Variants in BTBD16 observed in about 807,000 individuals in gnomAD.
The protein encoded by BTBD16 is BTB domain containing 16.
A neutral mutation model predicts 67.4 loss-of-function variants in BTBD16; 66 were observed. That is an observed-to-expected ratio of 0.98 (90% confidence interval 0.80 to 1.20). The LOEUF (loss-of-function observed/expected upper bound fraction) is 1.20, where lower values mean the gene tolerates loss of function less well. Among genes scored for constraint, BTBD16 ranks in the 50% most tolerant of loss-of-function variants. BTBD16 has a pLI of 0.00. For synonymous variants in BTBD16, 242 were observed against 236.4 expected (o/e 1.02, Z -0.22); for missense variants, 634 against 616.0 (o/e 1.03, Z -0.31).
intron 10 of BTBD16, among the ~76,000 whole-genome samples, chr10:122,311,413 A>G (rs1028831906): frequency 6.6e-6 from 1 of 152,200 alleles, no homozygotes; most frequent in African/African-American, 2.4e-5. Context: ...TACACTCTAC[A>G]GCCTGTTTTT....
chr10:122,299,502 G>A (rs771863357), intron 9 of BTBD16, among the ~76,000 whole-genome samples: 60 of 151,702 alleles, frequency 4.0e-4, no homozygotes, highest in Non-Finnish European at 7.2e-4. Context: ...TTACATCTCC[G>A]GCGCTGGCAC....
intron 9 of BTBD16, chr10:122,303,660 A>T: frequency 1.1e-6 from 1 of 883,592 alleles, no homozygotes; most frequent in Non-Finnish European, 1.4e-6. Context: ...CTCAGTGAAA[A>T]ATAGAGGACA....
rs186178554 is a variant in BTBD16 at position 122,289,888 on chromosome 10, T to C, written c.386-21T>C. The C allele has an allele frequency of 4.5e-5, 72 of 1,598,678 alleles. No homozygotes were observed. In the Admixed American group the frequency reaches 5.3e-4, roughly 12 times the overall value. ...CCACGGTTATCACATCCTGCCATCA[T>C]CATCTCATTTCCTTTACTAGCTCAA... On this transcript the variant is annotated intron_variant, in intron 5 of 15. Coordinates refer to ENST00000260723, the MANE Select transcript of BTBD16 (RefSeq NM_144587.5).
At chr10:122,311,171 G>T (rs528751077) in intron 10 of BTBD16, among the ~76,000 whole-genome samples, 1 of 151,130 alleles carries the variant, frequency 6.6e-6, no homozygotes, top group African/African-American at 2.4e-5. Flanking sequence ...CATGTGCTTT[G>T]TGCCTCAGAC....
At chr10:122,284,673 ATTTTTTTTTT>A (rs60823097) in intron 4 of BTBD16, among the ~76,000 whole-genome samples, 5 of 124,690 alleles carry the variant, frequency 4.0e-5, no homozygotes, top group South Asian at 2.8e-4. Flanking sequence ...CTTAAAGTGG[ATTTTTTTTTT>A]TTTTTTTTTT....
At chr10:122,323,417 A>AG (rs1462559850) in intron 10 of BTBD16, among the ~76,000 whole-genome samples, 2 of 152,230 alleles carry the variant, frequency 1.3e-5, no homozygotes, top group African/African-American at 4.8e-5. Context: ...CAGGCTCAGC[A>AG]GGAGATTGAC....
rs549301284 is a variant in BTBD16 at position 122,290,055 on chromosome 10, A to G, written c.475+57A>G. On this transcript the variant is annotated intron_variant, in intron 6 of 15. Coordinates refer to ENST00000260723, the MANE Select transcript of BTBD16 (RefSeq NM_144587.5). Reference sequence around the variant, plus strand: ...GCCATTGAACAAATGGTCCTCCCAGATTTAAAAATGCACAAGCAACAACAA... The same window carrying G: ...GCCATTGAACAAATGGTCCTCCCAGGTTTAAAAATGCACAAGCAACAACAA... 4.9e-6 allele frequency: 6 copies of G among 1,222,680 alleles called. No individual in the cohort carries two copies. In the South Asian group the frequency reaches 6.5e-5, roughly 13 times the overall value. 75.7% of individuals were successfully genotyped at this position (1,222,680 alleles called of 1,614,324 possible).
chr10:122,312,514 A>G (rs2096415910), intron 10 of BTBD16, among the ~76,000 whole-genome samples: 2 of 151,832 alleles, frequency 1.3e-5, no homozygotes, highest in African/African-American at 4.8e-5. Flanking sequence ...GGGTTTCACT[A>G]TGTTGGCCAG....
In BTBD16 at chr10:122,338,050, T is replaced by C. The variant is rs199925044; in HGVS notation, c.1486T>C (p.Tyr496His). The C allele has an allele frequency of 2.5e-6, 4 of 1,612,172 alleles. No individual in the cohort carries two copies. The highest frequency in any genetic ancestry group is 1.6e-4 in the Middle Eastern group (1 of 6,076). The change falls in exon 16 of 16, where the codon TAT becomes CAT. Residue 496 changes from tyrosine to histidine, a missense_variant. Transcript: ENST00000260723. ...LKIQTVGIPI[Y>H]VSFAFIFPAS ...AATCCAAACTGTGGGCATCCCAATC[T>C]ATGTAAGTTTTGCATTCATCTTCCC...
chr10:122,293,680 A>G (rs1285190384), intron 7 of BTBD16, among the ~76,000 whole-genome samples: 1 of 152,148 alleles, frequency 6.6e-6, no homozygotes, highest in Non-Finnish European at 1.5e-5. Context: ...CGTTGTATAT[A>G]TCACCCACTG....
intron 10 of BTBD16, among the ~76,000 whole-genome samples, chr10:122,314,700 A>G (rs2096420788): frequency 6.6e-6 from 1 of 152,254 alleles, no homozygotes; most frequent in African/African-American, 2.4e-5. Context: ...AGTTTTGTAT[A>G]TTGACTTTGT....
chr10:122,331,339 C>A, intron 12 of BTBD16, 81 bp downstream of exon 12: 1 of 1,580,364 alleles, frequency 6.3e-7, no homozygotes, highest in South Asian at 1.2e-5. Flanking sequence ...ATGTGTTTCA[C>A]ATTTGAAACC....
chr10:122,309,351 T>A (rs1443895743), intron 10 of BTBD16, among the ~76,000 whole-genome samples: 1 of 147,024 alleles, frequency 6.8e-6, no homozygotes, highest in African/African-American at 2.6e-5. Flanking sequence ...TTTTTGTTTT[T>A]GTTTTTTTTT....
chr10:122,280,777 G>GT (rs996458792), intron 3 of BTBD16, among the ~76,000 whole-genome samples: 33 of 152,054 alleles, frequency 2.2e-4, no homozygotes, highest in Non-Finnish European at 3.8e-4. Context: ...TAAACTACGT[G>GT]TATATTCAGG....
chr10:122,285,884 C>T (rs1317400006), intron 4 of BTBD16, among the ~76,000 whole-genome samples: 1 of 152,130 alleles, frequency 6.6e-6, no homozygotes, highest in Non-Finnish European at 1.5e-5. Flanking sequence ...GTGACATGTC[C>T]TGGGTGACCC....
At chr10:122,303,587 TG>T in intron 9 of BTBD16, 3 of 379,360 alleles carry the variant, frequency 7.9e-6, no homozygotes, top group Non-Finnish European at 1.1e-5. Context: ...CTTACTCACA[TG>T]GTCATGGCTT....
intron 10 of BTBD16, among the ~76,000 whole-genome samples, chr10:122,319,120 G>T (rs527666753): frequency 2.0e-5 from 3 of 152,200 alleles, no homozygotes; most frequent in African/African-American, 7.2e-5. Flanking sequence ...AAATATTCTG[G>T]ATACAAGTCC....
At chr10:122,277,264 C>T (rs2096342865) in intron 3 of BTBD16, among the ~76,000 whole-genome samples, 1 of 150,744 alleles carries the variant, frequency 6.6e-6, no homozygotes, top group Non-Finnish European at 1.5e-5. Flanking sequence ...ACAAACAAAA[C>T]TTAGTTAGTC....
chr10:122,320,141 T>TA (rs971259353), intron 10 of BTBD16, among the ~76,000 whole-genome samples: 13 of 152,032 alleles, frequency 8.6e-5, no homozygotes, highest in Admixed American at 2.0e-4. Flanking sequence ...ATATCACCTG[T>TA]AAAAAAAGAC....
Sources: gnomAD v4.1 joint callset for allele counts (sites outside exome capture counted in the v4.1 genomes callset) on GRCh38, gnomAD v4.1.1 for gene constraint, MANE v1.5 for transcripts, NCBI Gene and HGNC (gene_info 2026-07-23, HGNC 2026-07-21) for gene names.